Variants in PLXNC1 observed in about 807,000 individuals in gnomAD.
PLXNC1 encodes the protein plexin C1.
PLXNC1 carries 75 observed loss-of-function variants against 178.2 expected under a neutral mutation model. That is an observed-to-expected ratio of 0.42 (90% confidence interval 0.35 to 0.51). The LOEUF (loss-of-function observed/expected upper bound fraction) is 0.51. PLXNC1 is among the 20% of genes least tolerant of loss of function. The probability of loss-of-function intolerance (pLI) is 0.02; values close to 1 mark genes in which losing one functional copy is unlikely to be tolerated. For synonymous variants in PLXNC1, 790 were observed against 779.9 expected (o/e 1.01, Z -0.22); for missense variants, 1,503 against 1,984.4 (o/e 0.76, Z 4.61).
Position 94,149,634 on chromosome 12 carries a change from G to A in PLXNC1, c.663G>A (p.Gly221=). Residue 221 remains glycine, a synonymous_variant, in exon 1 of 31, where the codon GGG becomes GGA. Transcript: ENST00000258526. ...GCAGCCTGGCCACGCAGGAGCTGGG[G>A]CGCCTCAAGCTGTGCGAGGGCGCGG... The part of the protein sequence containing the change: ...EGRSLATQEL[G]RLKLCEGAGS... 1.3e-6 allele frequency: 2 copies of A among 1,596,462 alleles called. No homozygotes were observed. The highest frequency in any genetic ancestry group is 1.7e-6 in the Non-Finnish European group (2 of 1,172,160).
chr12:94,164,102 A>G (rs1478330912), intron 1 of PLXNC1, among the ~76,000 whole-genome samples: 2 of 152,184 alleles, frequency 1.3e-5, no homozygotes, highest in Non-Finnish European at 2.9e-5. Context: ...AGCAGGGGCC[A>G]GAACTTGGGT....
chr12:94,291,246 T>C (rs931995274), intron 23 of PLXNC1, among the ~76,000 whole-genome samples: 2 of 152,230 alleles, frequency 1.3e-5, no homozygotes, highest in Admixed American at 1.3e-4. Context: ...TATTGAAGCA[T>C]AATTTTTGAG....
At chr12:94,265,028 GTACAGTGGATTCC>G in intron 20 of PLXNC1, 38 bp from the exon 21 acceptor site, 2 of 1,589,688 alleles carry the variant, frequency 1.3e-6, no homozygotes, top group Non-Finnish European at 8.6e-7. Context: ...TCTTTGGAAA[GTACAGTGGATTCC>G]ACAGAAAGCT....
intron 23 of PLXNC1, among the ~76,000 whole-genome samples, chr12:94,293,869 T>C (rs758500088): frequency 1.3e-5 from 2 of 152,096 alleles, no homozygotes; most frequent in Non-Finnish European, 2.9e-5. Context: ...GATCCTCCTC[T>C]TCTTCCTCCC....
At chr12:94,199,331 G>A (rs1318629210) in intron 4 of PLXNC1, among the ~76,000 whole-genome samples, 2 of 152,236 alleles carry the variant, frequency 1.3e-5, no homozygotes, top group African/African-American at 2.4e-5. Flanking sequence ...GGTCCAGTGA[G>A]GCTCTAATGA....
At chr12:94,152,007 A>T (rs1960976442) in intron 1 of PLXNC1, among the ~76,000 whole-genome samples, 1 of 152,182 alleles carries the variant, frequency 6.6e-6, no homozygotes, top group Non-Finnish European at 1.5e-5. Context: ...ATAAATAATT[A>T]AAATGGGTCC....
chr12:94,208,803 G>T (rs1013626722), intron 4 of PLXNC1, among the ~76,000 whole-genome samples: 1 of 152,200 alleles, frequency 6.6e-6, no homozygotes, highest in East Asian at 1.9e-4. Context: ...TGAGGCAAGG[G>T]TTCCCAAGTT....
chr12:94,257,188 T>C (rs1964869083), intron 17 of PLXNC1, among the ~76,000 whole-genome samples: 2 of 152,176 alleles, frequency 1.3e-5, no homozygotes, highest in African/African-American at 4.8e-5. Flanking sequence ...TCTTTATGGA[T>C]TGATCAGAAG....
intron 4 of PLXNC1, among the ~76,000 whole-genome samples, chr12:94,205,354 A>G (rs1963267520): frequency 6.6e-6 from 1 of 152,238 alleles, no homozygotes; most frequent in South Asian, 2.1e-4. Flanking sequence ...GAGCAGAAAC[A>G]CAAATAAGTA....
At chr12:94,190,225 T>A (rs1962671691) in intron 4 of PLXNC1, among the ~76,000 whole-genome samples, 1 of 152,144 alleles carries the variant, frequency 6.6e-6, no homozygotes, top group Non-Finnish European at 1.5e-5. Flanking sequence ...CTTCTGTTGA[T>A]AACTGGCTGT....
intron 2 of PLXNC1, 135 bp from the exon 3 acceptor site, chr12:94,181,311 C>T: frequency 3.7e-6 from 2 of 544,792 alleles, no homozygotes; most frequent in Non-Finnish European, 3.3e-6. Context: ...TTGCTTGAAC[C>T]TGGGAGGCGG....
At chr12:94,303,952 A>T in intron 29 of PLXNC1, 25 bp from the exon 30 acceptor site, 1 of 1,606,656 alleles carries the variant, frequency 6.2e-7, no homozygotes, top group Non-Finnish European at 8.5e-7. Flanking sequence ...TCATTTCAGA[A>T]TCTCTCAACA....
At chr12:94,166,256 T>TGA (rs1308784455) in intron 1 of PLXNC1, among the ~76,000 whole-genome samples, 1 of 149,314 alleles carries the variant, frequency 6.7e-6, no homozygotes, top group Non-Finnish European at 1.5e-5. Context: ...TAAGCTTTAC[T>TGA]GAGGCTTACG....
intron 4 of PLXNC1, among the ~76,000 whole-genome samples, chr12:94,187,331 G>A (rs1303688395): frequency 6.6e-6 from 1 of 152,244 alleles, no homozygotes; most frequent in Non-Finnish European, 1.5e-5. Flanking sequence ...AGAGCAGGAG[G>A]AAGAGAATTG....
intron 9 of PLXNC1, among the ~76,000 whole-genome samples, chr12:94,234,154 A>G (rs1964180401): frequency 1.3e-5 from 2 of 152,034 alleles, no homozygotes; most frequent in South Asian, 4.1e-4. Context: ...TTTTTAACAG[A>G]TTAATAGAGT....
Position 94,180,083 on chromosome 12 carries a change from T to C in PLXNC1, c.1204-1363T>C, listed in dbSNP as rs75843281. Among the ~76,000 whole-genome samples the C allele has an allele frequency of 3.9e-3, 600 of 152,254 alleles. 1 individual carries two copies. The highest frequency in any genetic ancestry group is 0.014 in the African/African-American group (583 of 41,550). On this transcript the variant is annotated intron_variant, in intron 2 of 30. Transcript: ENST00000258526. ...ACCCACACTTCAAACCCTGCCTTCT[T>C]ACCATCTCCTCTTGCTCCTTGACCC...
intron 22 of PLXNC1, chr12:94,279,860 C>T: frequency 1.4e-6 from 1 of 690,854 alleles, no homozygotes; most frequent in Admixed American, 2.0e-5. Flanking sequence ...CACGGTCCTT[C>T]AAAGATGGCG....
At chr12:94,253,540 C>T (rs1964760434) in intron 15 of PLXNC1, among the ~76,000 whole-genome samples, 1 of 152,316 alleles carries the variant, frequency 6.6e-6, no homozygotes, top group East Asian at 1.9e-4. Context: ...GTTTGGGAAT[C>T]ACTACATCAT....
chr12:94,259,448 C>A, intron 18 of PLXNC1, 73 bp downstream of exon 18: 2 of 1,252,912 alleles, frequency 1.6e-6, no homozygotes, highest in Non-Finnish European at 2.2e-6. Context: ...TCACTATCAT[C>A]TCTATTATTA....
Sources: allele counts gnomAD v4.1 joint callset (sites outside exome capture counted in the v4.1 genomes callset), GRCh38; gene constraint gnomAD v4.1.1; transcripts MANE v1.5; gene names NCBI Gene and HGNC (gene_info 2026-07-23, HGNC 2026-07-21).